The following CSPP1 variants were observed in gnomAD, a reference collection of about 807,000 sequenced individuals.
The protein encoded by CSPP1 is centrosome and spindle pole associated protein 1.
A neutral mutation model predicts 164.4 loss-of-function variants in CSPP1; 126 were observed. That is an observed-to-expected ratio of 0.77 (90% confidence interval 0.66 to 0.89). The LOEUF (loss-of-function observed/expected upper bound fraction) is 0.89. Ranked by LOEUF, CSPP1 falls within the 40% of genes least tolerant of loss-of-function variation. CSPP1 has a pLI of 0.00. For missense variants in CSPP1, 1,395 were observed against 1,449.8 expected (o/e 0.96, Z 0.61); for synonymous variants, 472 against 476.7 (o/e 0.99, Z 0.13).
chr8:67,128,164 C>T (rs1820465492), intron 15 of CSPP1, among the ~76,000 whole-genome samples: 2 of 152,030 alleles, frequency 1.3e-5, no homozygotes, highest in South Asian at 2.1e-4. Context: ...GGAAAAAATT[C>T]AAAAAAGAAC....
intron 21 of CSPP1, among the ~76,000 whole-genome samples, chr8:67,161,146 C>A (rs1333277896): frequency 6.6e-6 from 1 of 152,124 alleles, no homozygotes; most frequent in Non-Finnish European, 1.5e-5. Context: ...ATATCTAAAT[C>A]CATTTATGTT....
intron 22 of CSPP1, 90 bp downstream of exon 22, chr8:67,162,005 T>A: frequency 1.2e-6 from 1 of 845,914 alleles, no homozygotes; most frequent in South Asian, 1.6e-5. Context: ...TATATTTGGA[T>A]AGGTTAAATT....
In CSPP1 at chr8:67,195,578, G is replaced by A. The variant is rs761243317; in HGVS notation, c.3666G>A (p.Ser1222=). ...GCACTTTCACTTGGCAGGGCCTGTC[G>A]ACTGCACATGGTTAAAATAAACCTG... The part of the protein sequence containing the change: ...KPGTFTWQGL[S]TAHG Residue 1222 remains serine (S), a synonymous_variant, in exon 31 of 31, where the codon TCG becomes TCA. Transcript: ENST00000678616. 6.8e-6 allele frequency: 11 copies of A among 1,613,878 alleles called. No individual in the cohort carries two copies. The highest frequency in any genetic ancestry group is 3.3e-4 in the Middle Eastern group (2 of 6,034).
intron 18 of CSPP1, among the ~76,000 whole-genome samples, chr8:67,152,269 C>T (rs1244986221): frequency 6.6e-6 from 1 of 151,922 alleles, no homozygotes; most frequent in East Asian, 1.9e-4. Context: ...ATTTTAAAAG[C>T]CTGAAGGAAC....
chr8:67,141,107 A>G (rs1363358012), intron 17 of CSPP1, among the ~76,000 whole-genome samples: 1 of 152,196 alleles, frequency 6.6e-6, no homozygotes, highest in African/African-American at 2.4e-5. Flanking sequence ...GAAACATTGG[A>G]AAACATTGGG....
intron 17 of CSPP1, among the ~76,000 whole-genome samples, chr8:67,144,877 G>A (rs1200424565): frequency 2.0e-5 from 3 of 150,566 alleles, no homozygotes; most frequent in Admixed American, 2.0e-4. Context: ...GACCATTTTA[G>A]CCAACATGGT....
intron 7 of CSPP1, among the ~76,000 whole-genome samples, chr8:67,100,658 C>T: frequency 6.6e-6 from 1 of 151,200 alleles, no homozygotes; most frequent in Non-Finnish European, 1.5e-5. Context: ...TGGCTCACTG[C>T]AACCTCTGCC....
At chr8:67,179,123 TGGAGTTGGATGACTTTA>T (rs1295404307) in intron 27 of CSPP1, among the ~76,000 whole-genome samples, 1 of 151,968 alleles carries the variant, frequency 6.6e-6, no homozygotes, top group African/African-American at 2.4e-5. Flanking sequence ...TGCAGGGAGG[TGGAGTTGGATGACTTTA>T]GGTTCCTTCT....
chr8:67,166,181 C>T (rs1199011249), intron 24 of CSPP1, among the ~76,000 whole-genome samples: 1 of 152,138 alleles, frequency 6.6e-6, no homozygotes, highest in Non-Finnish European at 1.5e-5. Context: ...TGTATTTCCC[C>T]TGCCCCATCC....
At chr8:67,165,042 T>G (rs551409286) in intron 24 of CSPP1, among the ~76,000 whole-genome samples, 4 of 152,308 alleles carry the variant, frequency 2.6e-5, no homozygotes, top group Non-Finnish European at 2.9e-5. Context: ...CCAGCACTTT[T>G]GGGAGGCCAA....
intron 1 of CSPP1, among the ~76,000 whole-genome samples, chr8:67,066,147 T>TCAAC (rs1805505329): frequency 6.6e-6 from 1 of 152,196 alleles, no homozygotes. Context: ...CTGAAAGACT[T>TCAAC]CAACATGGTT....
At chr8:67,136,430 G>A (rs1185385874) in intron 16 of CSPP1, among the ~76,000 whole-genome samples, 1 of 151,840 alleles carries the variant, frequency 6.6e-6, no homozygotes, top group Admixed American at 6.6e-5. Flanking sequence ...ATAACTGGGC[G>A]TGGTGGCAGG....
intron 24 of CSPP1, among the ~76,000 whole-genome samples, chr8:67,168,677 CAG>C (rs1361697520): frequency 6.6e-6 from 1 of 152,146 alleles, no homozygotes; most frequent in African/African-American, 2.4e-5. Context: ...AAAGACATCT[CAG>C]AGTTGGTTCT....
chr8:67,103,037 G>A lies in CSPP1; in HGVS notation c.924G>A (p.Arg308=). The A allele has an allele frequency of 6.3e-7, 1 of 1,589,980 alleles. No individual in the cohort carries two copies. The highest frequency in any genetic ancestry group is 8.6e-7 in the Non-Finnish European group (1 of 1,158,212). Residue 308 remains arginine (R), a splice_region_variant and synonymous_variant, in exon 8 of 31, where the codon AGG becomes AGA. Transcript: ENST00000678616. ...CTTTATAAGCTAATGTGTTTTTAAG[G>A]ATGCACAGGAACAAACGAGGGAATA... ...RRLSRVYTND[R]MHRNKRGNMP...
chr8:67,092,981 G>A (rs1811939779), intron 5 of CSPP1, among the ~76,000 whole-genome samples: 1 of 152,122 alleles, frequency 6.6e-6, no homozygotes, highest in South Asian at 2.1e-4. Flanking sequence ...ATTAGGAGAG[G>A]GAGGTGTCCC....
intron 7 of CSPP1, among the ~76,000 whole-genome samples, chr8:67,101,647 G>A (rs926097381): frequency 1.3e-5 from 2 of 152,210 alleles, no homozygotes; most frequent in Non-Finnish European, 2.9e-5. Context: ...CCATGTCATA[G>A]TTACTAAGAT....
At chr8:67,067,552 C>T (rs1805834589) in intron 1 of CSPP1, among the ~76,000 whole-genome samples, 1 of 152,180 alleles carries the variant, frequency 6.6e-6, no homozygotes, top group African/African-American at 2.4e-5. Flanking sequence ...CAAGCTCTGC[C>T]TCCCAGGTTC....
chr8:67,160,464 CAAA>C (rs1206237868), intron 21 of CSPP1, among the ~76,000 whole-genome samples: 3 of 77,734 alleles, frequency 3.9e-5, no homozygotes, highest in African/African-American at 4.9e-5. Flanking sequence ...GACTCCATCT[CAAA>C]AAAAAAAAAA....
chr8:67,192,133 C>T (rs1836498885), intron 29 of CSPP1, among the ~76,000 whole-genome samples: 1 of 147,396 alleles, frequency 6.8e-6, no homozygotes, highest in African/African-American at 2.5e-5. Flanking sequence ...ATTGCAGTGG[C>T]GTGATCTCAG....
Sources: gnomAD v4.1 joint callset for allele counts (sites outside exome capture counted in the v4.1 genomes callset) on GRCh38, gnomAD v4.1.1 for gene constraint, MANE v1.5 for transcripts, NCBI Gene and HGNC (gene_info 2026-07-23, HGNC 2026-07-21) for gene names.